Variants in LINGO2 observed in about 807,000 individuals in gnomAD.
LINGO2 encodes the protein leucine-rich repeat and immunoglobulin-like domain-containing nogo receptor-interacting protein 2.
Under a neutral mutation model 30.6 loss-of-function variants are expected in LINGO2, and 14 were observed. That is an observed-to-expected ratio of 0.46 (90% CI 0.30 to 0.72). The LOEUF is 0.72. LINGO2 is among the 30% of genes least tolerant of loss of function. The probability of loss-of-function intolerance (pLI) is 0.07; values close to 1 mark genes in which losing one functional copy is unlikely to be tolerated. For missense variants in LINGO2, 729 were observed against 751.7 expected (o/e 0.97, Z 0.35); for synonymous variants, 317 against 288.5 (o/e 1.10, Z -1.00).
chr9:28,809,302 C>G, the LINGO2 span, among the ~76,000 whole-genome samples: 1 of 152,180 alleles, frequency 6.6e-6, no homozygotes, highest in Non-Finnish European at 1.5e-5. Flanking sequence ...ATCCTTGGCA[C>G]CTGCCTGACT....
intron 1 of LINGO2, among the ~76,000 whole-genome samples, chr9:28,512,420 C>A (rs554939036): frequency 2.0e-5 from 3 of 151,612 alleles, no homozygotes; most frequent in African/African-American, 7.3e-5. Context: ...CTATCTGCCA[C>A]TGACACCTCA....
chr9:28,929,930 GAGA>G, the LINGO2 span, among the ~76,000 whole-genome samples: 2 of 152,128 alleles, frequency 1.3e-5, no homozygotes, highest in African/African-American at 4.8e-5. Flanking sequence ...ACACCTTTCT[GAGA>G]AGATTGTTTG....
intron 5 of LINGO2, among the ~76,000 whole-genome samples, chr9:27,989,986 A>G (rs770991185): frequency 6.6e-6 from 1 of 152,082 alleles, no homozygotes; most frequent in Admixed American, 6.6e-5. Flanking sequence ...TTCCAGCTCT[A>G]GGAACCTCAA....
chr9:28,583,024 C>A (rs889268860), intron 1 of LINGO2, among the ~76,000 whole-genome samples: 1 of 151,842 alleles, frequency 6.6e-6, no homozygotes, highest in African/African-American at 2.4e-5. Context: ...AGAGGACAAT[C>A]ATTAAATGAG....
At chr9:28,220,565 G>T (rs1440423072) in intron 4 of LINGO2, among the ~76,000 whole-genome samples, 1 of 152,130 alleles carries the variant, frequency 6.6e-6, no homozygotes, top group Non-Finnish European at 1.5e-5. Flanking sequence ...GGCTTAAAAA[G>T]AGTTGAACTT....
chr9:28,891,753 A>G, the LINGO2 span, among the ~76,000 whole-genome samples: 1 of 146,796 alleles, frequency 6.8e-6, no homozygotes, highest in Admixed American at 7.1e-5. Context: ...GCTGAAATAA[A>G]TTATTTAGAG....
intron 4 of LINGO2, among the ~76,000 whole-genome samples, chr9:28,142,087 T>G (rs768228531): frequency 3.3e-5 from 5 of 152,120 alleles, no homozygotes; most frequent in Admixed American, 6.5e-5. Flanking sequence ...TTGCCCAACT[T>G]CCTTCCTTTT....
intron 4 of LINGO2, among the ~76,000 whole-genome samples, chr9:28,174,081 T>A (rs897383398): frequency 6.6e-6 from 1 of 152,118 alleles, no homozygotes; most frequent in African/African-American, 2.4e-5. Flanking sequence ...ATGCACTAAG[T>A]TTTTTGCAGA....
exon 6 of LINGO2, chr9:27,948,722 T>C (rs1400930950): frequency 9.0e-7 from 1 of 1,113,308 alleles, no homozygotes; most frequent in Non-Finnish European, 1.3e-6. Flanking sequence ...TCCTCCTGCT[T>C]CCATAGACCC....
At chr9:29,094,700 C>T in the LINGO2 span, among the ~76,000 whole-genome samples, 2 of 138,468 alleles carry the variant, frequency 1.4e-5, 1 homozygote, top group South Asian at 4.5e-4. Flanking sequence ...ATATCTCTCC[C>T]AATAATTTTA....
chr9:28,108,617 T>A (rs957919410), intron 4 of LINGO2, among the ~76,000 whole-genome samples: 4 of 152,062 alleles, frequency 2.6e-5, no homozygotes, highest in Non-Finnish European at 1.5e-5. Flanking sequence ...CCCTCTTTAC[T>A]TTTCCTGTTA....
chr9:28,103,986 A>C (rs748208763), intron 4 of LINGO2, among the ~76,000 whole-genome samples: 1 of 152,114 alleles, frequency 6.6e-6, no homozygotes, highest in South Asian at 2.1e-4. Flanking sequence ...ATTTTTATTA[A>C]AGGGTGCTTT....
the LINGO2 span, among the ~76,000 whole-genome samples, chr9:28,884,565 G>A: frequency 1.3e-5 from 2 of 151,680 alleles, no homozygotes; most frequent in African/African-American, 2.4e-5. Flanking sequence ...TTATCGACCT[G>A]CGGACCTTTG....
intron 5 of LINGO2, among the ~76,000 whole-genome samples, chr9:27,998,061 T>A: frequency 6.6e-6 from 1 of 152,192 alleles, no homozygotes; most frequent in East Asian, 1.9e-4. Context: ...AGGTAGCTTG[T>A]CTCCAAGATA....
At chr9:28,921,827 A>C in the LINGO2 span, among the ~76,000 whole-genome samples, 1 of 152,230 alleles carries the variant, frequency 6.6e-6, no homozygotes, top group Non-Finnish European at 1.5e-5. Flanking sequence ...AGTTAGTTTC[A>C]AATTGTAAAC....
chr9:28,523,821 ATAT>A (rs368976786), intron 1 of LINGO2, among the ~76,000 whole-genome samples: 1 of 152,118 alleles, frequency 6.6e-6, no homozygotes, highest in African/African-American at 2.4e-5. Context: ...GGATATCTGA[ATAT>A]TATTAAGATG....
chr9:28,020,682 ATT>A (rs1222475358), intron 4 of LINGO2, among the ~76,000 whole-genome samples: 1 of 152,198 alleles, frequency 6.6e-6, no homozygotes, highest in African/African-American at 2.4e-5. Context: ...CTGGTGCATT[ATT>A]TTTTTGAAAG....
intron 2 of LINGO2, among the ~76,000 whole-genome samples, chr9:28,415,055 T>C (rs1298696222): frequency 6.6e-6 from 1 of 152,030 alleles, no homozygotes; most frequent in Admixed American, 6.6e-5. Flanking sequence ...TAAGTGACAA[T>C]AATCAGAACA....
At chr9:28,822,004 A>T in the LINGO2 span, among the ~76,000 whole-genome samples, 1 of 152,138 alleles carries the variant, frequency 6.6e-6, no homozygotes, top group Admixed American at 6.5e-5. Context: ...ACCTACCATC[A>T]ACAGAGACCT....
Sources: allele counts gnomAD v4.1 joint callset (sites outside exome capture counted in the v4.1 genomes callset), GRCh38; gene constraint gnomAD v4.1.1; transcripts MANE v1.5; gene names NCBI Gene and HGNC (gene_info 2026-07-23, HGNC 2026-07-21).